Variants in NMT2 observed in about 807,000 individuals in gnomAD.
NMT2 encodes glycylpeptide N-tetradecanoyltransferase 2.
Under a neutral mutation model 65.4 loss-of-function variants are expected in NMT2, and 35 were observed. That is an observed-to-expected ratio of 0.54 (90% CI 0.41 to 0.71). The LOEUF (loss-of-function observed/expected upper bound fraction) is 0.71, where lower values mean the gene tolerates loss of function less well. Among genes scored for constraint, NMT2 ranks in the 30% least tolerant of loss-of-function variants. NMT2 has a pLI of 0.00. For missense variants in NMT2, 489 were observed against 611.3 expected, an observed-to-expected ratio of 0.80 and a Z score of 2.11; for synonymous variants, 226 against 231.8, an observed-to-expected ratio of 0.98 and a Z score of 0.23.
intron 6 of NMT2, among the ~76,000 whole-genome samples, chr10:15,131,562 T>G (rs529372771): frequency 2.0e-5 from 3 of 152,314 alleles, no homozygotes; most frequent in Non-Finnish European, 4.4e-5. Context: ...CTGGGACCCC[T>G]GAGAGGGGCT....
intron 1 of NMT2, among the ~76,000 whole-genome samples, chr10:15,145,429 G>C (rs1589342864): frequency 6.6e-6 from 1 of 152,136 alleles, no homozygotes; most frequent in African/African-American, 2.4e-5. Flanking sequence ...GCCCAGGCTG[G>C]AGTGCAGTGG....
At chr10:15,159,576 C>T (rs146448471) in intron 1 of NMT2, among the ~76,000 whole-genome samples, 126 of 152,108 alleles carry the variant, frequency 8.3e-4, no homozygotes, top group African/African-American at 2.9e-3. Flanking sequence ...TACAGGTGCC[C>T]GCCATCGTGC....
intron 1 of NMT2, among the ~76,000 whole-genome samples, chr10:15,144,527 C>T (rs7097531): frequency 6.6e-6 from 1 of 152,008 alleles, no homozygotes; most frequent in African/African-American, 2.4e-5. Flanking sequence ...ATCAGGAGAT[C>T]GAGACCATCC....
chr10:15,132,489 G>A (rs112007741), intron 6 of NMT2, among the ~76,000 whole-genome samples: 18,449 of 151,678 alleles, frequency 0.12, 1,240 homozygotes, highest in Middle Eastern at 0.27. Context: ...GTGCAGTGGC[G>A]CAATCTCGGC....
chr10:15,115,726 C>G (rs11259497), intron 9 of NMT2, among the ~76,000 whole-genome samples: 11,369 of 152,142 alleles, frequency 0.075, 1,375 homozygotes, highest in African/African-American at 0.26. Flanking sequence ...TCAATAACAT[C>G]AATAGTTTGA....
Position 15,109,187 on chromosome 10 carries a change from A to G in NMT2, c.*8T>C, listed in dbSNP as rs977160233. The G allele has an allele frequency of 7.5e-6, 12 of 1,600,910 alleles. No homozygotes were observed. The highest frequency in any genetic ancestry group is 1.0e-5 in the Non-Finnish European group (12 of 1,176,162). On this transcript the variant is annotated 3_prime_UTR_variant, in exon 12 of 12. Coordinates refer to ENST00000378165, the MANE Select transcript of NMT2 (RefSeq NM_004808.3). ...TGATGTCAGAGTTCTAGAAATAAAA[A>G]TATCCATCTATTGTAGTACTAGTCC...
At position 15,168,678 on chromosome 10, in the gene NMT2, T is replaced by G; in HGVS notation, c.-66A>C. The G allele has an allele frequency of 1.6e-6, 2 of 1,223,874 alleles. No individual in the cohort carries two copies. The highest frequency in any genetic ancestry group is 2.3e-6 in the Non-Finnish European group (2 of 888,270). 75.8% of individuals were successfully genotyped at this position (1,223,874 alleles called of 1,614,324 possible). ...CCGGAGCGGCCGCAGCTCCCTCTAGTGCCTCCCGCCGTACTGCTTGGAGTC... is the reference window on the plus strand; with the variant it reads ...CCGGAGCGGCCGCAGCTCCCTCTAGGGCCTCCCGCCGTACTGCTTGGAGTC... On this transcript the variant is annotated 5_prime_UTR_variant, in exon 1 of 12. Coordinates refer to ENST00000378165, the MANE Select transcript of NMT2 (RefSeq NM_004808.3).
intron 6 of NMT2, among the ~76,000 whole-genome samples, chr10:15,132,270 C>G (rs1250714953): frequency 6.7e-6 from 1 of 149,822 alleles, no homozygotes; most frequent in East Asian, 1.9e-4. Context: ...TTTTTATTCA[C>G]AGTCCGTTTT....
chr10:15,133,396 CA>C lies in NMT2; in HGVS notation c.392-34del, dbSNP rs781245817. 4.0e-5 allele frequency: 60 copies of C among 1,495,572 alleles called. No individual in the cohort carries two copies. In the East Asian group the frequency reaches 1.3e-3, roughly 33 times the overall value. The allele number at this position is 1,495,572 out of a possible 1,614,324, so 92.6% of individuals were successfully genotyped here. On this transcript the variant is annotated intron_variant, in intron 3 of 11. Coordinates refer to ENST00000378165, the MANE Select transcript of NMT2 (RefSeq NM_004808.3). The stretch of plus-strand genomic sequence containing the variant: ...GGGAGAGAAAGAGAAAAAAGAAAGG[CA>C]AAAAGCGAGAATATTAAATGACAAA...
In NMT2 at chr10:15,119,522, A is replaced by G. The variant is rs1845854140; in HGVS notation, c.1000-9T>C. ...CCTGAAGTCTTTGTAACCTTGTTGG[A>G]GGGGAAACAAAACAAATCCAGAAGT... On this transcript the variant is annotated splice_polypyrimidine_tract_variant and intron_variant, in intron 8 of 11. Coordinates refer to ENST00000378165, the MANE Select transcript of NMT2 (RefSeq NM_004808.3). The G allele has an allele frequency of 3.7e-6, 6 of 1,611,820 alleles. No individual in the cohort carries two copies. The highest frequency in any genetic ancestry group is 5.1e-6 in the Non-Finnish European group (6 of 1,178,694).
chr10:15,112,172 C>CTT (rs1564557012), intron 10 of NMT2, among the ~76,000 whole-genome samples: 5 of 49,988 alleles, frequency 1.0e-4, no homozygotes, highest in Admixed American at 3.7e-4. Flanking sequence ...AAGATATGGG[C>CTT]TTTATATATA....
chr10:15,162,065 C>A (rs1357935256), intron 1 of NMT2, among the ~76,000 whole-genome samples: 2 of 152,136 alleles, frequency 1.3e-5, no homozygotes, highest in African/African-American at 4.8e-5. Flanking sequence ...CCAGCCTAGA[C>A]AACATAGTGA....
Position 15,107,579 on chromosome 10 carries a change from G to A in NMT2, c.*1616C>T. On this transcript the variant is annotated 3_prime_UTR_variant, in exon 12 of 12. Coordinates refer to ENST00000378165, the MANE Select transcript of NMT2 (RefSeq NM_004808.3). Reference sequence around the variant, plus strand: ...GTGATTCTCCTGCCTCAGCCTCCTAGCAGCTGGGATTACAGGCACCCGCCA... The same window carrying A: ...GTGATTCTCCTGCCTCAGCCTCCTAACAGCTGGGATTACAGGCACCCGCCA... The A allele has an allele frequency of 2.0e-6, 1 of 503,204 alleles. No individual in the cohort carries two copies. Among genetic ancestry groups the A allele is most frequent in the Non-Finnish European group, 2.6e-6 (1 of 389,788 alleles). The allele number at this position is 503,204 out of a possible 1,614,324, so 31.2% of individuals were successfully genotyped here.
At chr10:15,125,692 G>A (rs748717465) in intron 8 of NMT2, among the ~76,000 whole-genome samples, 1 of 152,118 alleles carries the variant, frequency 6.6e-6, no homozygotes, top group Admixed American at 6.6e-5. Context: ...TTATGAGATG[G>A]AGTCTCGCTC....
chr10:15,134,634 A>G (rs764198939), intron 3 of NMT2, among the ~76,000 whole-genome samples: 1 of 152,086 alleles, frequency 6.6e-6, no homozygotes, highest in Non-Finnish European at 1.5e-5. Flanking sequence ...CACCTGCTCC[A>G]TGAGGGACCT....
At chr10:15,140,985 AC>A in intron 2 of NMT2, 1 of 1,550,724 alleles carries the variant, frequency 6.4e-7, no homozygotes, top group Non-Finnish European at 8.7e-7. Context: ...CGAGAGACTT[AC>A]CCATGGCTGC....
intron 2 of NMT2, among the ~76,000 whole-genome samples, chr10:15,136,843 T>C (rs1009819188): frequency 2.2e-4 from 32 of 147,680 alleles, no homozygotes; most frequent in Admixed American, 8.0e-4. Context: ...TTTTTTTTTT[T>C]AATTCCTCAA....
intron 8 of NMT2, among the ~76,000 whole-genome samples, chr10:15,121,401 C>A (rs1035478402): frequency 4.6e-5 from 7 of 152,174 alleles, no homozygotes; most frequent in Non-Finnish European, 7.3e-5. Flanking sequence ...GAGTCTCACT[C>A]TTGTCACCCA....
chr10:15,155,317 C>G (rs749788845), intron 1 of NMT2: 36 of 1,246,256 alleles, frequency 2.9e-5, no homozygotes, highest in Middle Eastern at 3.8e-4. Context: ...GTGGGGTTGA[C>G]CATGGCTGGT....
Sources: gnomAD v4.1 joint callset for allele counts (sites outside exome capture counted in the v4.1 genomes callset) on GRCh38, gnomAD v4.1.1 for gene constraint, MANE v1.5 for transcripts, NCBI Gene and HGNC (gene_info 2026-07-23, HGNC 2026-07-21) for gene names.